Variants in KIRREL3 observed in about 807,000 individuals in gnomAD.
The protein encoded by KIRREL3 is kirre like nephrin family adhesion molecule 3, also known as kin of IRRE-like protein 3.
Under a neutral mutation model 89.7 loss-of-function variants are expected in KIRREL3, and 36 were observed. The observed-to-expected ratio is 0.40, with a 90% CI of 0.31 to 0.53. The LOEUF (loss-of-function observed/expected upper bound fraction) is 0.53. Ranked by LOEUF, KIRREL3 falls within the 20% of genes least tolerant of loss-of-function variation. The pLI, the probability that KIRREL3 is intolerant of heterozygous loss-of-function variation, is 0.49. For missense variants in KIRREL3, 864 were observed against 1,056.6 expected (o/e 0.82, Z 2.53); for synonymous variants, 445 against 441.4 (o/e 1.01, Z -0.10).
In KIRREL3 at chr11:126,526,589, C is replaced by T. The variant is rs780770440; in HGVS notation, c.232G>A (p.Val78Ile). The change falls in exon 3 of 17, where the codon GTT (valine) becomes ATT (isoleucine). Residue 78 changes from valine (V) to isoleucine (I), a missense_variant. Coordinates refer to ENST00000525144, the MANE Select transcript of KIRREL3 (RefSeq NM_032531.4). The surrounding 1 kb of genome is among the most constrained non-coding windows in gnomAD (Gnocchi z 5.7). ...LCAIPEYDGF[V>I]LWIKDGLALG... ...GCCAAGCCGTCCTTGATCCACAGAA[C>T]GAAGCCATCGTATTCGGGGATGGCG... The T allele has an allele frequency of 1.6e-5, 25 of 1,612,282 alleles. No homozygotes were observed. Among genetic ancestry groups the T allele is most frequent in the African/African-American group, 2.7e-5 (2 of 74,914 alleles).
intron 1 of KIRREL3, among the ~76,000 whole-genome samples, chr11:126,813,341 C>T (rs1431615817): frequency 6.6e-6 from 1 of 152,174 alleles, no homozygotes; most frequent in Non-Finnish European, 1.5e-5. Flanking sequence ...CCTCTCCCAC[C>T]TGTGTATGAA....
intron 1 of KIRREL3, among the ~76,000 whole-genome samples, chr11:126,854,571 T>C (rs570616560): frequency 7.2e-5 from 11 of 152,372 alleles, no homozygotes; most frequent in South Asian, 2.1e-4. Context: ...TTTTTAAAGC[T>C]GAATTATATT....
At position 126,572,755 on chromosome 11, in the gene KIRREL3, C is replaced by T. The variant is rs11824187; in HGVS notation, c.56-9843G>A. ...AGAATGCCTGCCTACTCAGGGTGTG[C>T]AGGCAGCAGGGGCGGGGCTGCTATT... is the stretch of plus-strand genomic sequence containing the variant. On this transcript the variant is annotated intron_variant, in intron 1 of 16. Transcript: ENST00000525144. Among the ~76,000 whole-genome samples, 1,180 of 152,238 alleles carry T rather than the reference C, an allele frequency of 7.8e-3. 13 individuals carry two copies. Among genetic ancestry groups the T allele is most frequent in the African/African-American group, 0.027 (1,120 of 41,542 alleles).
intron 1 of KIRREL3, among the ~76,000 whole-genome samples, chr11:126,660,384 C>T (rs1003001366): frequency 1.7e-4 from 26 of 152,210 alleles, no homozygotes; most frequent in Admixed American, 1.6e-3. Context: ...ACTGCTGAGA[C>T]GTAGGCACAT....
At chr11:126,478,907 C>T (rs73630464) in intron 4 of KIRREL3, among the ~76,000 whole-genome samples, 8,065 of 152,136 alleles carry the variant, frequency 0.053, 738 homozygotes, top group African/African-American at 0.18. Flanking sequence ...AGGAACTCTG[C>T]GCTGCTGTGG....
chr11:126,738,985 A>G (rs1253976435), intron 1 of KIRREL3, among the ~76,000 whole-genome samples: 1 of 152,194 alleles, frequency 6.6e-6, no homozygotes, highest in African/African-American at 2.4e-5. Context: ...GGTGGCTCAG[A>G]TATATATTAT....
rs1947382325 is a variant in KIRREL3 at position 126,703,222 on chromosome 11, G to C, written c.56-140310C>G. On this transcript the variant is annotated intron_variant, in intron 1 of 16. Transcript: ENST00000525144. This position sits in a 1 kb window ranked among gnomAD's most constrained non-coding sequence, Gnocchi z 4.6. ...TTACTCCATCTGACCTACTTCACAG[G>C]CTGGGCTGCCATGAGCGGCTGCTGC... 6.6e-6 allele frequency among the ~76,000 whole-genome samples: 1 copy of C among 152,236 alleles called. No homozygotes were observed. Among genetic ancestry groups the C allele is most frequent in the Non-Finnish European group, 1.5e-5 (1 of 68,044 alleles).
At chr11:126,604,529 C>T (rs140529387) in intron 1 of KIRREL3, among the ~76,000 whole-genome samples, 11 of 152,326 alleles carry the variant, frequency 7.2e-5, no homozygotes, top group African/African-American at 1.2e-4. Flanking sequence ...AGGACCAGGC[C>T]GTTCGCAGTT....
rs919183830 is a variant in KIRREL3 at position 126,768,340 on chromosome 11, A to G, written c.56-205428T>C. On this transcript the variant is annotated intron_variant, in intron 1 of 16. Coordinates refer to ENST00000525144, the MANE Select transcript of KIRREL3 (RefSeq NM_032531.4). The surrounding 1 kb of genome is among the most constrained non-coding windows in gnomAD (Gnocchi z 4.5). ...CTGTCCATCCATACTGCATCCATCC[A>G]TCCACTTATCCCACAAATACTGAGT... is the stretch of plus-strand genomic sequence containing the variant. 6.6e-6 allele frequency among the ~76,000 whole-genome samples: 1 copy of G among 152,176 alleles called. No homozygotes were observed. The highest frequency in any genetic ancestry group is 1.5e-5 in the Non-Finnish European group (1 of 68,032).
rs534081335 is a variant in KIRREL3 at position 126,853,786 on chromosome 11, C to T, written c.55+146669G>A. ...TTCCTTGACCTCCTTTCAAGGTCTC[C>T]GGCTCAGTTTTGCATAAAACTTTTC... On this transcript the variant is annotated intron_variant, in intron 1 of 16. Coordinates refer to ENST00000525144, the MANE Select transcript of KIRREL3 (RefSeq NM_032531.4). Among the ~76,000 whole-genome samples, 16 of 151,940 alleles carry T rather than the reference C, an allele frequency of 1.1e-4. No homozygotes were observed. The South Asian group carries it at 1.9e-3, about 18-fold the overall frequency.
rs1480168164 is a variant in KIRREL3 at position 126,563,497 on chromosome 11, G to T, written c.56-585C>A. ...GCTCTCTCTACCTTTTGGAGAGGGTGCGTTTCTGGTGCTAGAGATTCCTGT... is the reference window on the plus strand; with the variant it reads ...GCTCTCTCTACCTTTTGGAGAGGGTTCGTTTCTGGTGCTAGAGATTCCTGT... On this transcript the variant is annotated intron_variant, in intron 1 of 16. Transcript: ENST00000525144. This position sits in a 1 kb window ranked among gnomAD's most constrained non-coding sequence, Gnocchi z 6.8. Among the ~76,000 whole-genome samples the T allele has an allele frequency of 6.6e-6, 1 of 152,168 alleles. No individual in the cohort carries two copies. Among genetic ancestry groups the T allele is most frequent in the South Asian group, 2.1e-4 (1 of 4,826 alleles).
At position 126,992,215 on chromosome 11, in the gene KIRREL3, A is replaced by G. The variant is rs187168529; in HGVS notation, c.55+8240T>C. On this transcript the variant is annotated intron_variant, in intron 1 of 16. Transcript: ENST00000525144. ...GGAATGTGTCATCCAAAATAAATAG[A>G]TTGTTGCTAAGAGATAATATTCAGA... Among the ~76,000 whole-genome samples, 8 of 152,288 alleles carry G rather than the reference A, an allele frequency of 5.3e-5. No homozygotes were observed. The East Asian group carries it at 1.5e-3, about 29-fold the overall frequency.
rs561345946 is a variant in KIRREL3, at chr11:126,905,308, A to G, written c.55+95147T>C. On this transcript the variant is annotated intron_variant, in intron 1 of 16. Coordinates refer to ENST00000525144, the MANE Select transcript of KIRREL3 (RefSeq NM_032531.4). This position sits in a 1 kb window ranked among gnomAD's most constrained non-coding sequence, Gnocchi z 5.0. ...GAGCTGCAAGCTGAGGGGCTGCACC[A>G]GGAATACAGGATTCCTGGGAGTTGA... is the stretch of plus-strand genomic sequence containing the variant. Among the ~76,000 whole-genome samples, 7 of 152,292 alleles carry G rather than the reference A, an allele frequency of 4.6e-5. No individual in the cohort carries two copies. The highest frequency in any genetic ancestry group is 1.7e-4 in the African/African-American group (7 of 41,570).
chr11:126,573,696 A>G (rs1941096852), intron 1 of KIRREL3, among the ~76,000 whole-genome samples: 1 of 152,092 alleles, frequency 6.6e-6, no homozygotes, highest in African/African-American at 2.4e-5. Context: ...TTATTTATTT[A>G]TTTAGTAATT....
intron 1 of KIRREL3, among the ~76,000 whole-genome samples, chr11:126,986,781 C>T (rs577769387): frequency 7.2e-5 from 11 of 152,304 alleles, no homozygotes; most frequent in African/African-American, 2.6e-4. Flanking sequence ...AACATGAAAA[C>T]ATGAGAGGCA....
intron 1 of KIRREL3, among the ~76,000 whole-genome samples, chr11:126,716,626 G>A (rs536075146): frequency 2.0e-5 from 3 of 152,032 alleles, no homozygotes; most frequent in Non-Finnish European, 4.4e-5. Context: ...TGAAAACCTG[G>A]GCCTCCAAAC....
rs947547781 is a variant in KIRREL3 at position 126,526,451 on chromosome 11, T to G, written c.283+87A>C. The G allele has an allele frequency of 2.3e-6, 3 of 1,312,948 alleles. No individual in the cohort carries two copies. The highest frequency in any genetic ancestry group is 3.2e-6 in the Non-Finnish European group (3 of 946,988). The allele number at this position is 1,312,948 out of a possible 1,614,324, so 81.3% of individuals were successfully genotyped here. On this transcript the variant is annotated intron_variant, in intron 3 of 16. Coordinates refer to ENST00000525144, the MANE Select transcript of KIRREL3 (RefSeq NM_032531.4). The surrounding 1 kb of genome is among the most constrained non-coding windows in gnomAD (Gnocchi z 5.7). Reference sequence around the variant, plus strand: ...TAGAGATTCGATACTCAGACACCTGTGAAGATGGGTGCTCCCTAGGAAGGT... The same window carrying G: ...TAGAGATTCGATACTCAGACACCTGGGAAGATGGGTGCTCCCTAGGAAGGT...
chr11:126,786,448 A>T (rs1160625706), intron 1 of KIRREL3, among the ~76,000 whole-genome samples: 1 of 152,224 alleles, frequency 6.6e-6, no homozygotes, highest in Non-Finnish European at 1.5e-5. Context: ...TTCCTAAAGC[A>T]ATTAATAGTA....
In KIRREL3 at chr11:126,655,986, G is replaced by T; in HGVS notation, c.56-93074C>A. 7.4e-6 allele frequency: 2 copies of T among 270,032 alleles called. No homozygotes were observed. Among genetic ancestry groups the T allele is most frequent in the South Asian group, 7.3e-5 (2 of 27,412 alleles). 16.7% of individuals were successfully genotyped at this position (270,032 alleles called of 1,614,324 possible). On this transcript the variant is annotated intron_variant, in intron 1 of 16. Transcript: ENST00000525144. The surrounding 1 kb of genome is among the most constrained non-coding windows in gnomAD (Gnocchi z 5.0). ...GGTGGGTGGGGCTGAAGGAGGGGTGGGAGGAGGCCTTAGAAGCTAATTAGA... is the reference window on the plus strand; with the variant it reads ...GGTGGGTGGGGCTGAAGGAGGGGTGTGAGGAGGCCTTAGAAGCTAATTAGA...
Sources: allele counts gnomAD v4.1 joint callset (sites outside exome capture counted in the v4.1 genomes callset), GRCh38; gene constraint gnomAD v4.1.1; non-coding constraint Gnocchi (gnomAD v3.1); transcripts MANE v1.5; gene names NCBI Gene and HGNC (gene_info 2026-07-23, HGNC 2026-07-21).